CLNK: variants seen among roughly 807,000 people sequenced by gnomAD.
CLNK encodes the protein cytokine-dependent hematopoietic cell linker.
Under a neutral mutation model 68.6 loss-of-function variants are expected in CLNK, and 74 were observed. The observed-to-expected ratio is 1.08, with a 90% CI of 0.89 to 1.31. CLNK has a LOEUF of 1.31. Ranked by LOEUF, CLNK falls within the 50% of genes most tolerant of loss-of-function variation. The pLI is 0.00. For missense variants in CLNK, 553 were observed against 515.3 expected, an observed-to-expected ratio of 1.07 and a Z score of -0.71; for synonymous variants, 198 against 172.2, an observed-to-expected ratio of 1.15 and a Z score of -1.17.
chr4:10,714,051 G>C, the CLNK span, among the ~76,000 whole-genome samples: 1 of 152,100 alleles, frequency 6.6e-6, no homozygotes, highest in Non-Finnish European at 1.5e-5. Context: ...CATGTTACAA[G>C]CCTAGACAGG....
upstream of CLNK, among the ~76,000 whole-genome samples, chr4:10,687,873 C>T (rs938013190): frequency 6.6e-6 from 1 of 152,118 alleles, no homozygotes. Context: ...TCCCCCATAT[C>T]CCTCTTGCAT....
At chr4:10,592,534 T>G (rs1412216618) in intron 3 of CLNK, among the ~76,000 whole-genome samples, 1 of 151,576 alleles carries the variant, frequency 6.6e-6, no homozygotes, top group East Asian at 1.9e-4. Flanking sequence ...TCACGTCTAT[T>G]TAAGTATCTA....
intron 2 of CLNK, among the ~76,000 whole-genome samples, chr4:10,610,400 A>G (rs192580407): frequency 6.6e-6 from 1 of 151,988 alleles, no homozygotes; most frequent in Admixed American, 6.5e-5. Flanking sequence ...AAGACAAAAA[A>G]AGCTGATCTA....
chr4:10,674,527 C>A (rs1724794897), intron 1 of CLNK, among the ~76,000 whole-genome samples: 2 of 152,146 alleles, frequency 1.3e-5, no homozygotes, highest in East Asian at 1.9e-4. Context: ...AATTTATTAA[C>A]CCTGACCTGG....
At chr4:10,644,872 TG>T (rs1369999824) in intron 2 of CLNK, among the ~76,000 whole-genome samples, 3 of 152,188 alleles carry the variant, frequency 2.0e-5, no homozygotes, top group African/African-American at 7.2e-5. Flanking sequence ...ATACTTATGC[TG>T]GGGATTCATA....
At chr4:10,665,464 G>A (rs35566276) in intron 2 of CLNK, among the ~76,000 whole-genome samples, 69,488 of 151,746 alleles carry the variant, frequency 0.46, 16,655 homozygotes, top group Non-Finnish European at 0.54. Context: ...AGGAGACCGA[G>A]ACCATCCTGG....
At chr4:10,506,675 T>A (rs1717307087) in intron 17 of CLNK, among the ~76,000 whole-genome samples, 1 of 152,176 alleles carries the variant, frequency 6.6e-6, no homozygotes, top group South Asian at 2.1e-4. Context: ...TCAAAATAGT[T>A]CCTTGGGTTG....
intron 17 of CLNK, among the ~76,000 whole-genome samples, chr4:10,503,453 C>T (rs888405066): frequency 1.3e-5 from 2 of 148,604 alleles, no homozygotes; most frequent in Non-Finnish European, 3.0e-5. Context: ...CAGAGTGAGA[C>T]CCTGTCTCAA....
chr4:10,697,264 C>T, the CLNK span: 2 of 152,124 alleles, frequency 1.3e-5, no homozygotes, highest in Non-Finnish European at 2.9e-5. Flanking sequence ...TTCTCTCACC[C>T]CAAAGTTACC....
the CLNK span, among the ~76,000 whole-genome samples, chr4:10,721,542 T>C: frequency 6.6e-6 from 1 of 152,236 alleles, no homozygotes; most frequent in Non-Finnish European, 1.5e-5. Context: ...TCTACACTCC[T>C]TATAGGGAAA....
At chr4:10,680,611 G>C (rs6820771) in intron 1 of CLNK, among the ~76,000 whole-genome samples, 75,137 of 151,952 alleles carry the variant, frequency 0.49, 18,706 homozygotes, top group South Asian at 0.54. Flanking sequence ...ATAATGCTAA[G>C]AATGATGATA....
intron 2 of CLNK, among the ~76,000 whole-genome samples, chr4:10,630,826 G>C (rs1722858063): frequency 6.6e-6 from 1 of 152,194 alleles, no homozygotes; most frequent in Non-Finnish European, 1.5e-5. Flanking sequence ...TGCCCTATAG[G>C]TGTTGTGATG....
chr4:10,595,020 C>T (rs1306848839), intron 3 of CLNK, among the ~76,000 whole-genome samples: 1 of 152,048 alleles, frequency 6.6e-6, no homozygotes, highest in Non-Finnish European at 1.5e-5. Flanking sequence ...TCGTTTGAAC[C>T]TGGGAGGCGG....
At chr4:10,716,798 A>G in the CLNK span, among the ~76,000 whole-genome samples, 2 of 150,748 alleles carry the variant, frequency 1.3e-5, no homozygotes, top group South Asian at 2.1e-4. Flanking sequence ...GGTTCAAGCA[A>G]TTCTCCTGCC....
At chr4:10,633,391 C>A (rs887103072) in intron 2 of CLNK, among the ~76,000 whole-genome samples, 2 of 152,222 alleles carry the variant, frequency 1.3e-5, no homozygotes, top group African/African-American at 2.4e-5. Context: ...TGGGCTGCAG[C>A]TTTCCCAGAG....
intron 8 of CLNK, among the ~76,000 whole-genome samples, chr4:10,556,417 C>A (rs531958823): frequency 2.0e-5 from 3 of 152,178 alleles, no homozygotes; most frequent in African/African-American, 7.2e-5. Flanking sequence ...TTTTTATTAA[C>A]TAATATCTTT....
intron 2 of CLNK, among the ~76,000 whole-genome samples, chr4:10,654,230 G>A (rs969273311): frequency 2.0e-5 from 3 of 151,510 alleles, no homozygotes; most frequent in Non-Finnish European, 2.9e-5. Flanking sequence ...TCATGACCAA[G>A]TTGAATTTAT....
chr4:10,539,621 C>G (rs1167632137), intron 11 of CLNK, among the ~76,000 whole-genome samples: 1 of 152,176 alleles, frequency 6.6e-6, no homozygotes, highest in African/African-American at 2.4e-5. Context: ...TATGCTCACT[C>G]GAGTTTGTCA....
At chr4:10,663,698 T>C (rs1408445320) in intron 2 of CLNK, among the ~76,000 whole-genome samples, 1 of 152,190 alleles carries the variant, frequency 6.6e-6, no homozygotes, top group Non-Finnish European at 1.5e-5. Flanking sequence ...AAAATTTTCA[T>C]TGTAAAAGTG....
Sources: gnomAD v4.1 joint callset for allele counts (sites outside exome capture counted in the v4.1 genomes callset) on GRCh38, gnomAD v4.1.1 for gene constraint, MANE v1.5 for transcripts, NCBI Gene and HGNC (gene_info 2026-07-23, HGNC 2026-07-21) for gene names.